The following COL23A1 variants were observed in gnomAD, a reference collection of about 807,000 sequenced individuals.
The protein encoded by COL23A1 is collagen alpha-1(XXIII) chain.
COL23A1 carries 97 observed loss-of-function variants against 99.3 expected under a neutral mutation model. That is an observed-to-expected ratio of 0.98 (90% CI 0.83 to 1.16). The LOEUF (loss-of-function observed/expected upper bound fraction) is 1.16. COL23A1 is among the 50% of genes most tolerant of loss of function. The pLI is 0.00. For synonymous variants in COL23A1, 320 were observed against 308.2 expected, an observed-to-expected ratio of 1.04 and a Z score of -0.40; for missense variants, 762 against 757.4, an observed-to-expected ratio of 1.01 and a Z score of -0.07.
At position 178,340,769 on chromosome 5, in the gene COL23A1, C is replaced by T. The variant is rs567305380; in HGVS notation, c.362-33850G>A. Among the ~76,000 whole-genome samples, 1 of 152,336 alleles carries T rather than the reference C, an allele frequency of 6.6e-6. No individual in the cohort carries two copies. Among genetic ancestry groups the T allele is most frequent in the Admixed American group, 6.5e-5 (1 of 15,308 alleles). ...TGGAGGTGGGCGGGAATGGAGGTGG[C>T]CGGGGCAAGGCCTGGCTTTTCTTAC... On this transcript the variant is annotated intron_variant, in intron 2 of 28. Transcript: ENST00000390654. The surrounding 1 kb of genome is among the most constrained non-coding windows in gnomAD (Gnocchi z 4.7).
intron 2 of COL23A1, among the ~76,000 whole-genome samples, chr5:178,524,944 T>A (rs1221440688): frequency 6.6e-6 from 1 of 152,192 alleles, no homozygotes; most frequent in Non-Finnish European, 1.5e-5. Flanking sequence ...CCACCTAAAC[T>A]GCGTAACTCT....
At chr5:178,430,370 A>G (rs1266352434) in intron 2 of COL23A1, among the ~76,000 whole-genome samples, 1 of 152,186 alleles carries the variant, frequency 6.6e-6, no homozygotes, top group Non-Finnish European at 1.5e-5. Context: ...CGATTTCCTA[A>G]GGACATCAAT....
chr5:178,264,207 T>C (rs59771116), intron 8 of COL23A1, among the ~76,000 whole-genome samples: 6,422 of 152,170 alleles, frequency 0.042, 164 homozygotes, highest in African/African-American at 0.064. Context: ...ATTGTATCAT[T>C]GTCAATTTCC....
intron 2 of COL23A1, among the ~76,000 whole-genome samples, chr5:178,519,817 A>G (rs1253160744): frequency 6.6e-6 from 1 of 152,234 alleles, no homozygotes; most frequent in Non-Finnish European, 1.5e-5. Flanking sequence ...ATGGGAGGAT[A>G]GATGGACAGA....
At chr5:178,359,887 G>T (rs1467521097) in intron 2 of COL23A1, among the ~76,000 whole-genome samples, 1 of 152,242 alleles carries the variant, frequency 6.6e-6, no homozygotes, top group African/African-American at 2.4e-5. Flanking sequence ...GGTGAAGGGA[G>T]AGGGAGCAGA....
Position 178,582,954 on chromosome 5 carries a change from G to A in COL23A1, c.294+6950C>T, listed in dbSNP as rs186284374. ...CCACACACAGGGTTCGCAGACATTC[G>A]TCCCTTTCACTCCCTTCTTCCCAGG... is the stretch of plus-strand genomic sequence containing the variant. On this transcript the variant is annotated intron_variant, in intron 1 of 28. Transcript: ENST00000390654. 2.1e-3 allele frequency among the ~76,000 whole-genome samples: 319 copies of A among 152,278 alleles called. 5 individuals are homozygous for A. The highest frequency in any genetic ancestry group is 0.018 in the Admixed American group (280 of 15,298).
chr5:178,256,531 G>A (rs1400384720), intron 14 of COL23A1, 134 bp from the exon 15 acceptor site: 6 of 757,912 alleles, frequency 7.9e-6, no homozygotes, highest in Non-Finnish European at 1.0e-5. Context: ...CCAAATGTAT[G>A]AGAACAGCAC....
At chr5:178,336,417 G>A (rs1760319600) in intron 2 of COL23A1, among the ~76,000 whole-genome samples, 1 of 152,236 alleles carries the variant, frequency 6.6e-6, no homozygotes, top group Non-Finnish European at 1.5e-5. Context: ...AAAAAGGAAT[G>A]AAGTACAGAT....
intron 19 of COL23A1, 137 bp downstream of exon 19, chr5:178,248,980 G>A: frequency 1.3e-6 from 1 of 794,154 alleles, no homozygotes. Context: ...AGCCTAGAGT[G>A]TCCCCGGCCG....
intron 2 of COL23A1, among the ~76,000 whole-genome samples, chr5:178,435,566 C>A (rs1313082987): frequency 6.6e-6 from 1 of 152,226 alleles, no homozygotes; most frequent in African/African-American, 2.4e-5. Context: ...AGTTACTGAG[C>A]TCTCTCAGAC....
At chr5:178,521,021 C>T in intron 2 of COL23A1, among the ~76,000 whole-genome samples, 1 of 152,212 alleles carries the variant, frequency 6.6e-6, no homozygotes, top group Non-Finnish European at 1.5e-5. Context: ...GAGCCTACTA[C>T]ACACTGGGCT....
chr5:178,288,583 G>T, intron 4 of COL23A1: 1 of 613,304 alleles, frequency 1.6e-6, no homozygotes, highest in East Asian at 2.8e-5. Flanking sequence ...TCGGGGCTCC[G>T]GGCACAGTCA....
At chr5:178,552,513 G>A (rs537710923) in intron 2 of COL23A1, among the ~76,000 whole-genome samples, 3 of 151,938 alleles carry the variant, frequency 2.0e-5, no homozygotes, top group South Asian at 2.1e-4. Context: ...AAATATATAC[G>A]TGTATCATTT....
chr5:178,246,795 A>G (rs907435465), intron 22 of COL23A1, among the ~76,000 whole-genome samples: 2 of 152,180 alleles, frequency 1.3e-5, no homozygotes, highest in Non-Finnish European at 2.9e-5. Flanking sequence ...TCAGGCTTCT[A>G]CGGCAAGCCT....
chr5:178,570,523 AT>A (rs1446049386), intron 1 of COL23A1, among the ~76,000 whole-genome samples: 3 of 152,192 alleles, frequency 2.0e-5, no homozygotes, highest in Non-Finnish European at 4.4e-5. Flanking sequence ...TCATCCCCAC[AT>A]TTTAAAAAGA....
intron 2 of COL23A1, among the ~76,000 whole-genome samples, chr5:178,424,673 A>T (rs1765813655): frequency 1.3e-5 from 2 of 152,194 alleles, no homozygotes; most frequent in Admixed American, 6.5e-5. Context: ...TTGAAGTAAA[A>T]ATCCCCCAAT....
At chr5:178,503,260 G>C (rs1271414386) in intron 2 of COL23A1, among the ~76,000 whole-genome samples, 1 of 151,998 alleles carries the variant, frequency 6.6e-6, no homozygotes, top group African/African-American at 2.4e-5. Context: ...TGAGATAAGA[G>C]AATCACTTGA....
At chr5:178,338,767 T>C (rs188756306) in intron 2 of COL23A1, among the ~76,000 whole-genome samples, 3 of 152,138 alleles carry the variant, frequency 2.0e-5, no homozygotes, top group African/African-American at 7.2e-5. Context: ...GCTGAGGATA[T>C]GCAGATCCAG....
At chr5:178,282,407 C>T (rs1018486926) in intron 5 of COL23A1, among the ~76,000 whole-genome samples, 7 of 152,312 alleles carry the variant, frequency 4.6e-5, no homozygotes, top group East Asian at 1.9e-4. Flanking sequence ...CAGGTATGAG[C>T]AGGAGAAACC....
Sources: gnomAD v4.1 joint callset for allele counts (sites outside exome capture counted in the v4.1 genomes callset) on GRCh38, gnomAD v4.1.1 for gene constraint, Gnocchi (gnomAD v3.1) non-coding constraint, MANE v1.5 for transcripts, NCBI Gene and HGNC (gene_info 2026-07-23, HGNC 2026-07-21) for gene names.